The following CTNNA2 variants were observed in gnomAD, a reference collection of about 807,000 sequenced individuals.
CTNNA2 encodes the protein catenin alpha-2.
CTNNA2 carries 42 observed loss-of-function variants against 101.0 expected under a neutral mutation model. The observed-to-expected ratio is 0.42, with a 90% CI of 0.32 to 0.54. CTNNA2 has a LOEUF of 0.54. Ranked by LOEUF, CTNNA2 falls within the 20% of genes least tolerant of loss-of-function variation. The pLI is 0.14. For synonymous variants in CTNNA2, 450 were observed against 456.4 expected (o/e 0.99, Z 0.18); for missense variants, 871 against 1,223.1 (o/e 0.71, Z 4.29).
At chr2:80,472,516 T>C (rs1408511752) in intron 9 of CTNNA2, among the ~76,000 whole-genome samples, 1 of 152,146 alleles carries the variant, frequency 6.6e-6, no homozygotes, top group Non-Finnish European at 1.5e-5. Context: ...CAATACTAAA[T>C]TACCTGAAAG....
chr2:80,433,250 G>A (rs147140924), intron 9 of CTNNA2, among the ~76,000 whole-genome samples: 14 of 152,180 alleles, frequency 9.2e-5, no homozygotes, highest in African/African-American at 3.4e-4. Flanking sequence ...CACCATGCCA[G>A]CCAGGTGTTT....
chr2:80,468,428 AT>A (rs531265735), intron 9 of CTNNA2, among the ~76,000 whole-genome samples: 6,665 of 151,498 alleles, frequency 0.044, 456 homozygotes, highest in African/African-American at 0.15. Flanking sequence ...TTATTTATTT[AT>A]TTTTTTTGAG....
At chr2:79,892,623 G>C (rs1039280780) in intron 6 of CTNNA2, among the ~76,000 whole-genome samples, 1 of 152,062 alleles carries the variant, frequency 6.6e-6, no homozygotes, top group Non-Finnish European at 1.5e-5. Context: ...CCCCAGTAGG[G>C]GAAAGAAAGA....
chr2:80,622,897 G>T (rs531783773), intron 18 of CTNNA2, among the ~76,000 whole-genome samples: 1 of 151,632 alleles, frequency 6.6e-6, no homozygotes, highest in South Asian at 2.1e-4. Flanking sequence ...CAGTGACATG[G>T]CTTCTAATTT....
At chr2:79,403,626 A>G (rs1368713673) in intron 4 of CTNNA2, among the ~76,000 whole-genome samples, 1 of 152,054 alleles carries the variant, frequency 6.6e-6, no homozygotes, top group African/African-American at 2.4e-5. Context: ...AAAAATATAA[A>G]TAAACATGTC....
rs529498368 is a variant in CTNNA2, at chr2:79,815,800, A to G, written c.299-42213A>G. ...TTTTTTTCTAATTCTGGGAAGAATG[A>G]TGGTGGTATTTTGATGGGAATTGCA... On this transcript the variant is annotated intron_variant, in intron 3 of 18. Transcript: ENST00000402739. Among the ~76,000 whole-genome samples, 4 of 151,652 alleles carry G rather than the reference A, an allele frequency of 2.6e-5. No homozygotes were observed. In the South Asian group the frequency reaches 6.3e-4, roughly 24 times the overall value.
At chr2:80,537,166 A>G (rs1223713636) in intron 9 of CTNNA2, among the ~76,000 whole-genome samples, 2 of 152,098 alleles carry the variant, frequency 1.3e-5, no homozygotes, top group African/African-American at 2.4e-5. Flanking sequence ...ATGAGTGAGA[A>G]CATGCAGTGT....
chr2:79,379,000 C>T (rs566645705), intron 4 of CTNNA2, among the ~76,000 whole-genome samples: 5 of 152,230 alleles, frequency 3.3e-5, no homozygotes, highest in African/African-American at 1.2e-4. Flanking sequence ...GCCTCAGTAC[C>T]ACTTGTTTTC....
At chr2:79,680,916 T>C (rs540829643) in intron 2 of CTNNA2, among the ~76,000 whole-genome samples, 47 of 152,298 alleles carry the variant, frequency 3.1e-4, no homozygotes, top group Middle Eastern at 3.4e-3. Flanking sequence ...ACTGGGACCT[T>C]AGCCACCGTG....
upstream of CTNNA2, among the ~76,000 whole-genome samples, chr2:79,512,217 G>A (rs1240515169): frequency 6.6e-6 from 1 of 152,128 alleles, no homozygotes; most frequent in Non-Finnish European, 1.5e-5. Flanking sequence ...CTCAGAGGAC[G>A]AACATTTTTG....
intron 7 of CTNNA2, among the ~76,000 whole-genome samples, chr2:80,292,927 T>C (rs1340262094): frequency 6.6e-6 from 1 of 152,194 alleles, no homozygotes; most frequent in Non-Finnish European, 1.5e-5. Context: ...ACCTTTATGA[T>C]TTTTGAAATA....
At chr2:80,050,755 C>T (rs1696823321) in intron 7 of CTNNA2, among the ~76,000 whole-genome samples, 1 of 152,198 alleles carries the variant, frequency 6.6e-6, no homozygotes, top group African/African-American at 2.4e-5. Context: ...GGCTGCAGTG[C>T]AGTGGTACAA....
At position 79,795,120 on chromosome 2, in the gene CTNNA2, G is replaced by C. The variant is rs4852164; in HGVS notation, c.298+50538G>C. Among the ~76,000 whole-genome samples the C allele has an allele frequency of 0.014, 2,100 of 152,330 alleles. 115 individuals are homozygous for C. In the East Asian group the frequency reaches 0.16, roughly 11 times the overall value. On this transcript the variant is annotated intron_variant, in intron 3 of 18. Transcript: ENST00000402739. ...ATACTATTTCTATGACAGAAAGTCA[G>C]CAAAGTCTCAGGGTCATCTAACTTT...
chr2:80,266,932 C>T (rs1673044470), intron 7 of CTNNA2, among the ~76,000 whole-genome samples: 1 of 152,112 alleles, frequency 6.6e-6, no homozygotes, highest in South Asian at 2.1e-4. Flanking sequence ...TTAAGGCATC[C>T]ATTGTATGTA....
At chr2:79,633,689 G>C (rs1420978101) in intron 1 of CTNNA2, 1 of 152,194 alleles carries the variant, frequency 6.6e-6, no homozygotes, top group Admixed American at 6.5e-5. Flanking sequence ...GTTTCCCTCT[G>C]TTTCCCAGCT....
At chr2:79,417,650 T>C (rs997343017) in intron 4 of CTNNA2, among the ~76,000 whole-genome samples, 17 of 152,294 alleles carry the variant, frequency 1.1e-4, no homozygotes, top group African/African-American at 4.1e-4. Context: ...TCTCTGAGCA[T>C]TCCAGCCCAT....
At chr2:80,196,334 G>A (rs993093115) in intron 7 of CTNNA2, among the ~76,000 whole-genome samples, 2 of 152,086 alleles carry the variant, frequency 1.3e-5, no homozygotes, top group South Asian at 2.1e-4. Flanking sequence ...TGCATTGCCA[G>A]CCATCATTTC....
chr2:79,573,231 C>A (rs986460937), intron 1 of CTNNA2, among the ~76,000 whole-genome samples: 1 of 152,266 alleles, frequency 6.6e-6, no homozygotes, highest in African/African-American at 2.4e-5. Flanking sequence ...TTCCTTACAA[C>A]GAACTTTTTT....
intron 9 of CTNNA2, among the ~76,000 whole-genome samples, chr2:80,432,304 T>G (rs1367387057): frequency 6.6e-6 from 1 of 152,198 alleles, no homozygotes; most frequent in Non-Finnish European, 1.5e-5. Context: ...AACAGATTTT[T>G]TTAATCATAT....
Sources: allele counts gnomAD v4.1 joint callset (sites outside exome capture counted in the v4.1 genomes callset), GRCh38; gene constraint gnomAD v4.1.1; transcripts MANE v1.5; gene names NCBI Gene and HGNC (gene_info 2026-07-23, HGNC 2026-07-21).